The following PRDM5 variants were observed in gnomAD, a reference collection of about 807,000 sequenced individuals.
PRDM5 encodes the protein PR/SET domain 5.
Under a neutral mutation model 81.2 loss-of-function variants are expected in PRDM5, and 56 were observed. The ratio of observed to expected loss-of-function variants is 0.69; its 90% CI spans 0.56 to 0.86. The LOEUF (loss-of-function observed/expected upper bound fraction) is 0.86, where lower values mean the gene tolerates loss of function less well. Among genes scored for constraint, PRDM5 ranks in the 40% least tolerant of loss-of-function variants. The probability of loss-of-function intolerance (pLI) is 0.00; values close to 1 mark genes in which losing one functional copy is unlikely to be tolerated. For synonymous variants in PRDM5, 267 were observed against 256.4 expected, an observed-to-expected ratio of 1.04 and a Z score of -0.39; for missense variants, 697 against 770.1, an observed-to-expected ratio of 0.91 and a Z score of 1.12.
intron 5 of PRDM5, 76 bp from the exon 6 acceptor site, chr4:120,817,000 A>C: frequency 8.6e-7 from 1 of 1,162,970 alleles, no homozygotes; most frequent in Non-Finnish European, 1.3e-6. Context: ...AACTACACTA[A>C]CTCTGAATAA....
intron 3 of PRDM5, among the ~76,000 whole-genome samples, chr4:120,847,368 C>G (rs1448641211): frequency 6.6e-6 from 1 of 152,138 alleles, no homozygotes; most frequent in Non-Finnish European, 1.5e-5. Context: ...TCTCATCACC[C>G]TCTCTGGGAG....
chr4:120,839,250 A>G (rs1214291871), intron 3 of PRDM5: 1 of 703,148 alleles, frequency 1.4e-6, no homozygotes, highest in Admixed American at 2.0e-5. Flanking sequence ...TAGCCTCGCC[A>G]TTCGGCGGGT....
intron 13 of PRDM5, among the ~76,000 whole-genome samples, chr4:120,757,864 T>G (rs1745003398): frequency 6.6e-6 from 1 of 150,552 alleles, no homozygotes; most frequent in Non-Finnish European, 1.5e-5. Flanking sequence ...CTCCTCCTTC[T>G]TCTTCTTTCT....
At chr4:120,916,811 T>C (rs943386630) in intron 1 of PRDM5, among the ~76,000 whole-genome samples, 2 of 152,210 alleles carry the variant, frequency 1.3e-5, no homozygotes, top group African/African-American at 4.8e-5. Context: ...CTTCCCATTC[T>C]TTCACACTTC....
Position 120,821,162 on chromosome 4 carries a change from A to T in PRDM5, c.475+9T>A, listed in dbSNP as rs1561379470. 4 of 1,613,280 alleles carry T rather than the reference A, an allele frequency of 2.5e-6. No homozygotes were observed. The highest frequency in any genetic ancestry group is 3.4e-6 in the Non-Finnish European group (4 of 1,179,240). ...TCTTCTCCCAGATCACCAATTAAAG[A>T]TGCAATACCTTTTCTGCCCGCTGTT... is the stretch of plus-strand genomic sequence containing the variant. On this transcript the variant is annotated intron_variant, in intron 4 of 15. Transcript: ENST00000264808.
chr4:120,822,448 T>A (rs974007171), intron 3 of PRDM5, among the ~76,000 whole-genome samples: 2 of 152,104 alleles, frequency 1.3e-5, no homozygotes, highest in African/African-American at 4.8e-5. Flanking sequence ...GGCAATATCA[T>A]AGCACTTATG....
intron 8 of PRDM5, among the ~76,000 whole-genome samples, chr4:120,801,522 G>C (rs192491061): frequency 6.6e-6 from 1 of 152,192 alleles, no homozygotes; most frequent in Non-Finnish European, 1.5e-5. Context: ...TGTAAAGCAG[G>C]GAAAAAGTAG....
intron 14 of PRDM5, among the ~76,000 whole-genome samples, chr4:120,711,788 C>T (rs982541912): frequency 1.3e-5 from 2 of 152,078 alleles, no homozygotes; most frequent in African/African-American, 4.8e-5. Context: ...ATACCAGGAA[C>T]TTAGTCATCT....
At chr4:120,744,972 C>G (rs1297068354) in intron 14 of PRDM5, among the ~76,000 whole-genome samples, 1 of 145,144 alleles carries the variant, frequency 6.9e-6, no homozygotes, top group Non-Finnish European at 1.5e-5. Context: ...GGCAGAGACA[C>G]AACCAAAAAA....
chr4:120,729,366 T>G (rs1426973318), intron 14 of PRDM5, among the ~76,000 whole-genome samples: 1 of 152,058 alleles, frequency 6.6e-6, no homozygotes. Context: ...TTATAATACC[T>G]AGAAATACTG....
In PRDM5 at chr4:120,787,017, C is replaced by A. The variant is rs2149253960; in HGVS notation, c.1189-1926G>T. Among the ~76,000 whole-genome samples, 2 of 152,216 alleles carry A rather than the reference C, an allele frequency of 1.3e-5. 1 individual carries two copies. Among genetic ancestry groups the A allele is most frequent in the South Asian group, 4.1e-4 (2 of 4,820 alleles). On this transcript the variant is annotated intron_variant, in intron 10 of 15. Coordinates refer to ENST00000264808, the MANE Select transcript of PRDM5 (RefSeq NM_018699.4). ...TGTCCCTGCTATCACGAAGCTTTTA[C>A]ACTAGCAGAGGAGAAGGACAATAAA...
chr4:120,867,401 T>C (rs1725752456), intron 2 of PRDM5, among the ~76,000 whole-genome samples: 2 of 152,336 alleles, frequency 1.3e-5, no homozygotes, highest in South Asian at 4.1e-4. Context: ...ACATTTCCCA[T>C]TTCATCAGTT....
At chr4:120,731,367 C>CTTTT (rs200102326) in intron 14 of PRDM5, among the ~76,000 whole-genome samples, 1 of 129,262 alleles carries the variant, frequency 7.7e-6, no homozygotes, top group African/African-American at 2.9e-5. Context: ...CAGAGGTCTT[C>CTTTT]TTTTTTTTTT....
At chr4:120,726,955 A>T (rs116387244) in intron 14 of PRDM5, among the ~76,000 whole-genome samples, 1,870 of 152,306 alleles carry the variant, frequency 0.012, 38 homozygotes, top group African/African-American at 0.042. Context: ...TTCAGTATTT[A>T]AAAAAATTTA....
Position 120,872,236 on chromosome 4 carries a change from T to C in PRDM5, c.178-18696A>G, listed in dbSNP as rs148062841. 6.4e-3 allele frequency among the ~76,000 whole-genome samples: 943 copies of C among 148,490 alleles called. 4 individuals carry two copies. Among genetic ancestry groups the C allele is most frequent in the Non-Finnish European group, 0.011 (746 of 67,530 alleles). The stretch of plus-strand genomic sequence containing the variant: ...GGTGTAAATCCAAAATAATTCAAAG[T>C]GGGATCTCACAGAGATATTTGCAGA... On this transcript the variant is annotated intron_variant, in intron 2 of 15. Transcript: ENST00000264808.
At chr4:120,814,727 T>C (rs1036502550) in intron 7 of PRDM5, among the ~76,000 whole-genome samples, 1 of 152,196 alleles carries the variant, frequency 6.6e-6, no homozygotes, top group African/African-American at 2.4e-5. Context: ...GGAATATTCT[T>C]TCCTCCAATG....
intron 2 of PRDM5, among the ~76,000 whole-genome samples, chr4:120,873,568 A>G (rs1232059679): frequency 6.6e-6 from 1 of 152,262 alleles, no homozygotes; most frequent in Non-Finnish European, 1.5e-5. Context: ...AGTCATTGTC[A>G]AACATTTCAC....
chr4:120,699,875 C>T (rs1417862513), intron 15 of PRDM5, among the ~76,000 whole-genome samples: 1 of 151,794 alleles, frequency 6.6e-6, no homozygotes, highest in African/African-American at 2.4e-5. Flanking sequence ...CCATTACTAT[C>T]AAATATCAAA....
chr4:120,871,479 C>T (rs343207), intron 2 of PRDM5, among the ~76,000 whole-genome samples: 4,602 of 152,294 alleles, frequency 0.03, 233 homozygotes, highest in African/African-American at 0.1. Flanking sequence ...TACCAAAGCA[C>T]TATTCTCTCC....
Sources: allele counts gnomAD v4.1 joint callset (sites outside exome capture counted in the v4.1 genomes callset), GRCh38; gene constraint gnomAD v4.1.1; transcripts MANE v1.5; gene names NCBI Gene and HGNC (gene_info 2026-07-23, HGNC 2026-07-21).